LGI2: variants seen among roughly 807,000 people sequenced by gnomAD.
LGI2 encodes the protein leucine rich repeat LGI family member 2.
Under a neutral mutation model 52.0 loss-of-function variants are expected in LGI2, and 30 were observed. The observed-to-expected ratio is 0.58, with a 90% CI of 0.43 to 0.78. LGI2 has a LOEUF of 0.78. Ranked by LOEUF, LGI2 falls within the 30% of genes least tolerant of loss-of-function variation. LGI2 has a pLI of 0.00. For missense variants in LGI2, 573 were observed against 692.5 expected (o/e 0.83, Z 1.94); for synonymous variants, 270 against 271.8 (o/e 0.99, Z 0.06).
chr4:25,022,950 G>A (rs1263878971), intron 4 of LGI2, among the ~76,000 whole-genome samples: 9 of 152,308 alleles, frequency 5.9e-5, no homozygotes, highest in African/African-American at 2.2e-4. Flanking sequence ...TTCCTCTTCA[G>A]ACACCCACAG....
rs1052329794 is a variant in LGI2 at position 25,003,198 on chromosome 4, G to A, written c.*253C>T. The A allele has an allele frequency of 1.5e-5, 6 of 396,722 alleles. No individual in the cohort carries two copies. The highest frequency in any genetic ancestry group is 2.7e-5 in the Non-Finnish European group (6 of 225,844). 24.6% of individuals were successfully genotyped at this position (396,722 alleles called of 1,614,324 possible). A position where few individuals can be genotyped will look rare whatever the true frequency, so the allele number is the denominator to read the frequency against. On this transcript the variant is annotated 3_prime_UTR_variant, in exon 8 of 8. Coordinates refer to ENST00000382114, the MANE Select transcript of LGI2 (RefSeq NM_018176.4). ...ACATTTCTAGATGATAAGAGTAAAT[G>A]CTGTACTCTTTTCTCAGAAATTACA...
Position 25,003,581 on chromosome 4 carries a change from T to C in LGI2, c.1508A>G (p.Lys503Arg), listed in dbSNP as rs1367843314. The C allele has an allele frequency of 6.2e-7, 1 of 1,614,218 alleles. No individual in the cohort carries two copies. The highest frequency in any genetic ancestry group is 2.2e-5 in the East Asian group (1 of 44,888). Residue 503 changes from lysine to arginine, a missense_variant, in exon 8 of 8, where the codon AAG becomes AGG. By Grantham distance (26) the Lys-to-Arg change is conservative. Transcript: ENST00000382114. Reference sequence around the variant, plus strand: ...ACGAGGCGCCTGCACGTAAATCTCCTTAAACTTTTTGAATAGCTGCTTCTC... The same window carrying C: ...ACGAGGCGCCTGCACGTAAATCTCCCTAAACTTTTTGAATAGCTGCTTCTC... ...DKEKQLFKKF[K>R]EIYVQAPRSF...
chr4:25,025,087 G>A (rs1468649092), intron 3 of LGI2, among the ~76,000 whole-genome samples, 196 bp from the exon 4 acceptor site: 1 of 152,192 alleles, frequency 6.6e-6, no homozygotes, highest in Non-Finnish European at 1.5e-5. Context: ...GGAGTGTGTG[G>A]TCTGCACTCC....
chr4:24,996,724 A>C (rs1288733916), downstream of LGI2, among the ~76,000 whole-genome samples: 1 of 152,230 alleles, frequency 6.6e-6, no homozygotes, highest in East Asian at 1.9e-4. Context: ...GGAGGTGCTC[A>C]TCAGGACCCT....
rs1725255735 is a variant in LGI2, at chr4:25,001,987, T to C, written c.*1464A>G. On this transcript the variant is annotated 3_prime_UTR_variant, in exon 8 of 8. Transcript: ENST00000382114. ...GAGCTACCCCTAAAGGCATTCACTT[T>C]ATATTCTCTGAAGAGAACCAGCTAA... The C allele has an allele frequency of 6.6e-6, 1 of 152,256 alleles. No homozygotes were observed. The highest frequency in any genetic ancestry group is 2.4e-5 in the African/African-American group (1 of 41,470). 9.4% of individuals were successfully genotyped at this position (152,256 alleles called of 1,614,324 possible). A position where few individuals can be genotyped will look rare whatever the true frequency, so the allele number is the denominator to read the frequency against.
intron 7 of LGI2, among the ~76,000 whole-genome samples, chr4:25,007,598 T>C (rs943630789): frequency 6.6e-6 from 1 of 151,170 alleles, no homozygotes; most frequent in Non-Finnish European, 1.5e-5. Context: ...TGTGTGTGTG[T>C]GTGTGTGTGT....
intron 1 of LGI2, 33 bp downstream of exon 1, chr4:25,030,464 G>A: frequency 6.4e-7 from 1 of 1,558,722 alleles, no homozygotes; most frequent in Non-Finnish European, 8.7e-7. Flanking sequence ...GGGTGGGGCG[G>A]GACGGGATGG....
intron 1 of LGI2, among the ~76,000 whole-genome samples, chr4:25,029,879 G>C (rs1726266312): frequency 6.6e-6 from 1 of 152,188 alleles, no homozygotes; most frequent in Non-Finnish European, 1.5e-5. Flanking sequence ...TCTAGGCCAC[G>C]GGGGGCGGCC....
At chr4:25,026,135 T>A (rs1470442810) in intron 3 of LGI2, among the ~76,000 whole-genome samples, 2 of 151,670 alleles carry the variant, frequency 1.3e-5, no homozygotes, top group East Asian at 3.9e-4. Flanking sequence ...TACCTACCTG[T>A]TGAACTCAGA....
At chr4:25,009,819 A>G (rs1577549387) in intron 7 of LGI2, among the ~76,000 whole-genome samples, 1 of 152,056 alleles carries the variant, frequency 6.6e-6, no homozygotes, top group East Asian at 2.0e-4. Flanking sequence ...TATTTTTAGT[A>G]GAGACGGGGT....
chr4:25,004,390 T>C lies in LGI2; in HGVS notation c.821-122A>G, dbSNP rs1049701329. On this transcript the variant is annotated intron_variant, in intron 7 of 7. Transcript: ENST00000382114. The surrounding 1 kb of genome is among the most constrained non-coding windows in gnomAD (Gnocchi z 4.6). ...GGCACAGCCACTATGGAAAACAGTA[T>C]GGTGGTTCCTTGAAAAATTAAACAT... 7 of 862,408 alleles carry C rather than the reference T, an allele frequency of 8.1e-6. No homozygotes were observed. The highest frequency in any genetic ancestry group is 7.8e-5 in the Admixed American group (3 of 38,416). 53.4% of individuals were successfully genotyped at this position (862,408 alleles called of 1,614,324 possible). A position where few individuals can be genotyped will look rare whatever the true frequency, so the allele number is the denominator to read the frequency against.
Position 25,022,249 on chromosome 4 carries a change from G to A in LGI2, c.413+2571C>T, listed in dbSNP as rs532564661. 4.6e-5 allele frequency among the ~76,000 whole-genome samples: 7 copies of A among 152,308 alleles called. No individual in the cohort carries two copies. The East Asian group carries it at 1.4e-3, about 29-fold the overall frequency. On this transcript the variant is annotated intron_variant, in intron 4 of 7. Coordinates refer to ENST00000382114, the MANE Select transcript of LGI2 (RefSeq NM_018176.4). ...GGAGGGAAGAGGAAGATGGAGAATG[G>A]CTTAACTGGGGAGATAGAACTCAAT...
At chr4:25,012,282 C>T in intron 7 of LGI2, 53 bp downstream of exon 7, 1 of 1,600,738 alleles carries the variant, frequency 6.2e-7, no homozygotes, top group South Asian at 1.1e-5. Context: ...CTCCCGCGGG[C>T]TTGCCGCAAT....
chr4:25,026,194 G>A (rs1478986223), intron 3 of LGI2, among the ~76,000 whole-genome samples: 5 of 151,474 alleles, frequency 3.3e-5, no homozygotes, highest in Admixed American at 2.6e-4. Flanking sequence ...GCTAAGTGAG[G>A]CTATCCCATC....
In LGI2 at chr4:25,012,498, A is replaced by T; in HGVS notation, c.657T>A (p.Asp219Glu). 1 of 1,613,344 alleles carries T rather than the reference A, an allele frequency of 6.2e-7. No individual in the cohort carries two copies. The highest frequency in any genetic ancestry group is 2.2e-5 in the East Asian group (1 of 44,868). The change falls in exon 7 of 8, where the codon GAT (aspartate) becomes GAA (glutamate). Residue 219 changes from aspartate (D) to glutamate (E), a missense_variant and splice_region_variant. By Grantham distance (45) the Asp-to-Glu change is conservative. Transcript: ENST00000382114. The stretch of plus-strand genomic sequence containing the variant: ...AGGGTAAAGTCTGATGAACAACAAA[A>T]TCTGGGGATGGGTGTTTAAAAAGAA... Reference protein sequence around the residue: ...TSFDYECTTTDFVVHQTLPYQ... With the variant: ...TSFDYECTTTEFVVHQTLPYQ...
At chr4:25,026,750 G>A in intron 3 of LGI2, 118 bp downstream of exon 3, 1 of 778,202 alleles carries the variant, frequency 1.3e-6, no homozygotes, top group Non-Finnish European at 2.3e-6. Context: ...AGAATGGGGT[G>A]TTCTCCAGTT....
Position 25,003,382 on chromosome 4 carries a change from G to T in LGI2, c.*69C>A. On this transcript the variant is annotated 3_prime_UTR_variant, in exon 8 of 8. Transcript: ENST00000382114. ...CTCTGAGCCTGGCTTTGATTTGTTT[G>T]TTGATTTTTCTTGGTCCTCTTTTGT... 8.9e-7 allele frequency: 1 copy of T among 1,120,630 alleles called. No homozygotes were observed. The highest frequency in any genetic ancestry group is 1.3e-6 in the Non-Finnish European group (1 of 788,994). 69.4% of individuals were successfully genotyped at this position (1,120,630 alleles called of 1,614,324 possible). A position where few individuals can be genotyped will look rare whatever the true frequency, so the allele number is the denominator to read the frequency against.
chr4:24,995,651 CTT>C (rs1725051060), downstream of LGI2, among the ~76,000 whole-genome samples: 1 of 152,184 alleles, frequency 6.6e-6, no homozygotes, highest in Admixed American at 6.5e-5. Flanking sequence ...TACACCAACA[CTT>C]TTGCCACATT....
intron 1 of LGI2, among the ~76,000 whole-genome samples, chr4:25,029,267 G>A (rs972979897): frequency 7.2e-5 from 11 of 152,196 alleles, no homozygotes; most frequent in African/African-American, 2.7e-4. Context: ...GATTTAATAA[G>A]GGGAACTCTA....
Sources: allele counts gnomAD v4.1 joint callset (sites outside exome capture counted in the v4.1 genomes callset), GRCh38; gene constraint gnomAD v4.1.1; non-coding constraint Gnocchi (gnomAD v3.1); transcripts MANE v1.5; gene names NCBI Gene and HGNC (gene_info 2026-07-23, HGNC 2026-07-21).